The following IQCK variants were observed in gnomAD, a reference collection of about 807,000 sequenced individuals.
IQCK encodes IQ domain-containing protein K.
A neutral mutation model predicts 28.1 loss-of-function variants in IQCK; 29 were observed. The ratio of observed to expected loss-of-function variants is 1.03; its 90% CI spans 0.77 to 1.41. IQCK has a LOEUF of 1.41. Among genes scored for constraint, IQCK ranks in the 40% most tolerant of loss-of-function variants. The pLI, the probability that IQCK is intolerant of heterozygous loss-of-function variation, is 0.00. For synonymous variants in IQCK, 113 were observed against 115.1 expected, an observed-to-expected ratio of 0.98 and a Z score of 0.12; for missense variants, 359 against 314.7, an observed-to-expected ratio of 1.14 and a Z score of -1.07.
intron 4 of IQCK, among the ~76,000 whole-genome samples, chr16:19,755,119 C>T (rs1483854078): frequency 2.6e-5 from 4 of 152,088 alleles, no homozygotes; most frequent in Non-Finnish European, 4.4e-5. Context: ...ATCATAGTTA[C>T]GGATGGTTTC....
chr16:19,804,625 G>A (rs375229277), intron 7 of IQCK, among the ~76,000 whole-genome samples: 2 of 151,884 alleles, frequency 1.3e-5, no homozygotes, highest in African/African-American at 2.4e-5. Flanking sequence ...TTTTAGAGAC[G>A]AGTCTTGCCA....
chr16:19,807,153 A>C (rs2055844821), intron 7 of IQCK, among the ~76,000 whole-genome samples: 1 of 152,198 alleles, frequency 6.6e-6, no homozygotes, highest in African/African-American at 2.4e-5. Flanking sequence ...GGGCACCTAC[A>C]TGGCAAGAAA....
chr16:19,781,610 C>T (rs763826299), intron 6 of IQCK, among the ~76,000 whole-genome samples: 135 of 152,358 alleles, frequency 8.9e-4, no homozygotes, highest in Non-Finnish European at 1.7e-3. Context: ...TCCATCCTAA[C>T]GGCTAGTCAC....
At chr16:19,786,639 A>G (rs1597559452) in intron 6 of IQCK, among the ~76,000 whole-genome samples, 1 of 141,606 alleles carries the variant, frequency 7.1e-6, no homozygotes, top group Non-Finnish European at 1.5e-5. Flanking sequence ...CAGAGGTTGC[A>G]GTGAGCCGAG....
At chr16:19,760,651 T>A (rs79590005) in intron 4 of IQCK, among the ~76,000 whole-genome samples, 4,181 of 152,266 alleles carry the variant, frequency 0.027, 79 homozygotes, top group Middle Eastern at 0.085. Flanking sequence ...CTCCTGCTGG[T>A]CTCTCGTTAG....
At chr16:19,730,834 G>T (rs139404597) in intron 2 of IQCK, among the ~76,000 whole-genome samples, 3 of 152,096 alleles carry the variant, frequency 2.0e-5, no homozygotes, top group Non-Finnish European at 4.4e-5. Context: ...GAGTGCAGTG[G>T]CACAATCTCA....
intron 1 of IQCK, 134 bp downstream of exon 1, chr16:19,718,621 C>T (rs1699441293): frequency 9.4e-6 from 7 of 744,758 alleles, no homozygotes; most frequent in South Asian, 3.2e-5. Context: ...GCCCGGGCTC[C>T]GCATTTTACG....
intron 7 of IQCK, among the ~76,000 whole-genome samples, chr16:19,805,662 A>G (rs559528653): frequency 1.4e-4 from 21 of 152,336 alleles, no homozygotes; most frequent in Admixed American, 1.2e-3. Flanking sequence ...GCAGCTCACA[A>G]TATACATTTA....
At chr16:19,735,550 A>G in intron 4 of IQCK, 100 bp downstream of exon 4, 1 of 1,007,644 alleles carries the variant, frequency 9.9e-7, no homozygotes, top group Non-Finnish European at 1.6e-6. Flanking sequence ...TGTTCTCCAG[A>G]TGACCCCTTC....
At chr16:19,756,042 G>A (rs576378537) in intron 4 of IQCK, among the ~76,000 whole-genome samples, 1 of 152,214 alleles carries the variant, frequency 6.6e-6, no homozygotes, top group South Asian at 2.1e-4. Context: ...AAATTAGCTG[G>A]GCCTGGTGTT....
At chr16:19,720,843 C>T (rs1414401772) in intron 1 of IQCK, among the ~76,000 whole-genome samples, 3 of 152,030 alleles carry the variant, frequency 2.0e-5, no homozygotes, top group African/African-American at 7.2e-5. Flanking sequence ...ATGTTGAAAC[C>T]CTGTCTCTAC....
chr16:19,848,657 T>C (rs1400382696), intron 9 of IQCK, among the ~76,000 whole-genome samples: 1 of 152,164 alleles, frequency 6.6e-6, no homozygotes. Context: ...CCAGGCACTT[T>C]GAATGGATCA....
intron 9 of IQCK, among the ~76,000 whole-genome samples, chr16:19,849,057 C>A (rs1218005214): frequency 6.6e-6 from 1 of 152,010 alleles, no homozygotes; most frequent in African/African-American, 2.4e-5. Flanking sequence ...ATCCTTCCTG[C>A]CTTTCTCCCA....
chr16:19,734,959 C>G (rs764209260), intron 3 of IQCK, among the ~76,000 whole-genome samples: 1 of 152,006 alleles, frequency 6.6e-6, no homozygotes, highest in Non-Finnish European at 1.5e-5. Flanking sequence ...CCTTGGCTAA[C>G]GACTGCCTTT....
At chr16:19,815,466 C>T (rs2055973872) in intron 7 of IQCK, among the ~76,000 whole-genome samples, 1 of 152,106 alleles carries the variant, frequency 6.6e-6, no homozygotes, top group Non-Finnish European at 1.5e-5. Context: ...GCCTAGGCAG[C>T]ATAGTGAGAC....
intron 6 of IQCK, 193 bp downstream of exon 6, chr16:19,764,305 A>G (rs1269307525): frequency 6.3e-6 from 3 of 475,708 alleles, no homozygotes; most frequent in Non-Finnish European, 1.1e-5. Context: ...ATTTCATTCA[A>G]GAAGCACTCC....
rs529119301 is a variant in IQCK, at chr16:19,799,597, T to TACAC, written c.690+10716_690+10719dup. On this transcript the variant is annotated intron_variant, in intron 7 of 7. Coordinates refer to ENST00000564186, the Ensembl canonical transcript of IQCK. ...ATATTTTATTTTATATATATATATA[T>TACAC]ACACACACACACACACACACACACA... Among the ~76,000 whole-genome samples the TACAC allele has an allele frequency of 1.5e-3, 169 of 111,672 alleles. 6 individuals are homozygous for TACAC. The highest frequency in any genetic ancestry group is 2.9e-3 in the South Asian group (12 of 4,068). 73.3% of individuals were successfully genotyped at this position (111,672 alleles called of 152,430 possible). A position where few individuals can be genotyped will look rare whatever the true frequency, so the allele number is the denominator to read the frequency against.
chr16:19,828,920 A>G (rs1417065516), downstream of IQCK, among the ~76,000 whole-genome samples: 1 of 143,866 alleles, frequency 7.0e-6, no homozygotes, highest in Non-Finnish European at 1.5e-5. Flanking sequence ...ATATTTTTAT[A>G]TATATAATTA....
At chr16:19,802,979 G>A (rs2055778885) in intron 7 of IQCK, among the ~76,000 whole-genome samples, 2 of 152,128 alleles carry the variant, frequency 1.3e-5, no homozygotes, top group African/African-American at 4.8e-5. Context: ...GATTGTGATG[G>A]TCTCGAGCTT....
Sources: allele counts gnomAD v4.1 joint callset (sites outside exome capture counted in the v4.1 genomes callset), GRCh38; gene constraint gnomAD v4.1.1; transcripts MANE v1.5; gene names NCBI Gene and HGNC (gene_info 2026-07-23, HGNC 2026-07-21).